The following ANO3 variants were observed in gnomAD, a reference collection of about 807,000 sequenced individuals.
The protein encoded by ANO3 is anoctamin 3, also known as anoctamin-3.
ANO3 carries 99 observed loss-of-function variants against 144.8 expected under a neutral mutation model. That is an observed-to-expected ratio of 0.68 (90% confidence interval 0.58 to 0.81). The LOEUF (loss-of-function observed/expected upper bound fraction) is 0.81. Ranked by LOEUF, ANO3 falls within the 30% of genes least tolerant of loss-of-function variation. The pLI, the probability that ANO3 is intolerant of heterozygous loss-of-function variation, is 0.00. For missense variants in ANO3, 905 were observed against 1,202.2 expected (o/e 0.75, Z 3.66); for synonymous variants, 414 against 392.6 (o/e 1.05, Z -0.64).
At chr11:26,576,735 C>G (rs1199513528) in intron 14 of ANO3, among the ~76,000 whole-genome samples, 2 of 152,172 alleles carry the variant, frequency 1.3e-5, no homozygotes, top group South Asian at 2.1e-4. Flanking sequence ...TAGTCCCATA[C>G]TAGAAAAGTC....
chr11:26,615,414 A>ATATATATTT (rs1352935016), intron 17 of ANO3, among the ~76,000 whole-genome samples: 18 of 130,688 alleles, frequency 1.4e-4, no homozygotes, highest in African/African-American at 4.8e-4. Flanking sequence ...ATATATATAT[A>ATATATATTT]TTTTTTTTTT....
chr11:26,236,743 G>C (rs1564928949), intron 1 of ANO3, among the ~76,000 whole-genome samples: 3 of 150,894 alleles, frequency 2.0e-5, no homozygotes. Context: ...GCGTGAACCT[G>C]GGAGGCAGAG....
chr11:26,293,540 T>TATATATATATATATATAC lies in ANO3; in HGVS notation c.155-16088_155-16087insCATATATATATATATATA. Reference sequence around the variant, plus strand: ...TGGGTCTATAAATTCCATGTATATATATATATATATATATATATATATATA... The same window carrying TATATATATATATATATAC: ...TGGGTCTATAAATTCCATGTATATATATATATATATATATATACATATATATATATATATATATATATA... On this transcript the variant is annotated intron_variant, in intron 1 of 27. Coordinates refer to the ANO3 transcript ENST00000672621. 3.8e-5 allele frequency among the ~76,000 whole-genome samples: 4 copies of TATATATATATATATATAC among 104,568 alleles called. No homozygotes were observed. In the South Asian group the frequency reaches 1.2e-3, roughly 32 times the overall value. The allele number at this position is 104,568 out of a possible 152,430, so 68.6% of individuals were successfully genotyped here. A position where few individuals can be genotyped will look rare whatever the true frequency, so the allele number is the denominator to read the frequency against.
intron 1 of ANO3, among the ~76,000 whole-genome samples, chr11:26,297,173 A>C (rs948529254): frequency 2.0e-4 from 29 of 147,094 alleles, no homozygotes; most frequent in African/African-American, 7.5e-4. Context: ...CCCAAGCTGC[A>C]TCAACCATTG....
chr11:26,244,559 C>A (rs537548843), intron 1 of ANO3, among the ~76,000 whole-genome samples: 1 of 152,250 alleles, frequency 6.6e-6, no homozygotes, highest in South Asian at 2.1e-4. Flanking sequence ...AACCTGAGAA[C>A]TATGCCAGAA....
At chr11:26,208,479 C>T (rs925353418) in intron 1 of ANO3, 1 of 150,402 alleles carries the variant, frequency 6.6e-6, no homozygotes, top group Non-Finnish European at 1.5e-5. Flanking sequence ...CACCACTGCA[C>T]TCCAGCCTGG....
At chr11:26,309,159 T>C (rs928842939), upstream of ANO3, among the ~76,000 whole-genome samples, 1 of 152,146 alleles carries the variant, frequency 6.6e-6, no homozygotes, top group African/African-American at 2.4e-5. Context: ...AGACTTTCCA[T>C]TGACTTGTTA....
chr11:26,366,194 T>C (rs1411775195), intron 1 of ANO3, among the ~76,000 whole-genome samples: 1 of 151,962 alleles, frequency 6.6e-6, no homozygotes, highest in Non-Finnish European at 1.5e-5. Context: ...CCCTCCTATG[T>C]CCAAGTGTTC....
At position 26,660,452 on chromosome 11, in the gene ANO3, C is replaced by CTG; in HGVS notation, c.*10_*11dup. The CTG allele has an allele frequency of 6.2e-7, 1 of 1,607,496 alleles. No individual in the cohort carries two copies. The highest frequency in any genetic ancestry group is 8.5e-7 in the Non-Finnish European group (1 of 1,177,262). On this transcript the variant is annotated 3_prime_UTR_variant, in exon 27 of 27. Transcript: ENST00000256737. ...CACCATGAATGGCCTTAGTTGACACCTGTTACCCATTAGGGGTGATAACAT... is the reference window on the plus strand; with the variant it reads ...CACCATGAATGGCCTTAGTTGACACCTGTGTTACCCATTAGGGGTGATAACAT...
At chr11:26,497,064 A>C (rs1421033633) in intron 4 of ANO3, among the ~76,000 whole-genome samples, 2 of 150,994 alleles carry the variant, frequency 1.3e-5, no homozygotes, top group African/African-American at 4.9e-5. Flanking sequence ...TTCTCTCTCT[A>C]TATATATACA....
chr11:26,451,116 G>T (rs111517911), intron 3 of ANO3, among the ~76,000 whole-genome samples: 13 of 152,290 alleles, frequency 8.5e-5, no homozygotes, highest in African/African-American at 3.1e-4. Context: ...CAAGATGGCC[G>T]AATAGGAACC....
intron 1 of ANO3, among the ~76,000 whole-genome samples, chr11:26,297,267 CT>C (rs1244701347): frequency 6.7e-6 from 1 of 149,144 alleles, no homozygotes; most frequent in African/African-American, 2.5e-5. Flanking sequence ...CCTTTTTTGT[CT>C]TGTTGATATT....
At chr11:26,525,825 G>T in intron 7 of ANO3, 146 bp downstream of exon 7, 1 of 595,262 alleles carries the variant, frequency 1.7e-6, no homozygotes, top group Non-Finnish European at 2.9e-6. Context: ...AATAACTTAT[G>T]CCAAATCGAA....
intron 14 of ANO3, among the ~76,000 whole-genome samples, chr11:26,587,279 A>G (rs1174901042): frequency 6.6e-6 from 1 of 152,192 alleles, no homozygotes; most frequent in Non-Finnish European, 1.5e-5. Flanking sequence ...GTGTGTCTAG[A>G]TGAACTAAGC....
intron 14 of ANO3, among the ~76,000 whole-genome samples, chr11:26,577,519 G>T (rs1433589836): frequency 6.7e-6 from 1 of 148,250 alleles, no homozygotes; most frequent in Non-Finnish European, 1.5e-5. Context: ...AGCTGAGATT[G>T]CGCCATTACA....
At chr11:26,614,085 G>C (rs889850712) in intron 17 of ANO3, among the ~76,000 whole-genome samples, 12 of 152,228 alleles carry the variant, frequency 7.9e-5, no homozygotes, top group Non-Finnish European at 5.9e-5. Flanking sequence ...CTGTCCTGGG[G>C]ATACTGCTGC....
intron 1 of ANO3, among the ~76,000 whole-genome samples, chr11:26,277,131 T>A (rs1198748997): frequency 1.3e-5 from 2 of 151,600 alleles, no homozygotes; most frequent in Non-Finnish European, 2.9e-5. Flanking sequence ...AAAGTAGATA[T>A]CTCTCTATTT....
At chr11:26,328,944 C>CT (rs896878080), upstream of ANO3, among the ~76,000 whole-genome samples, 30 of 151,132 alleles carry the variant, frequency 2.0e-4, 1 homozygote, top group Middle Eastern at 3.4e-3. Flanking sequence ...TATTTCTAGG[C>CT]TTTTTTTTTC....
At chr11:26,329,849 GT>G (rs1854992350), upstream of ANO3, among the ~76,000 whole-genome samples, 1 of 145,944 alleles carries the variant, frequency 6.9e-6, no homozygotes, top group East Asian at 2.0e-4. Context: ...GTCTCGCTCT[GT>G]TTCCCAGGCT....
Sources: allele counts gnomAD v4.1 joint callset (sites outside exome capture counted in the v4.1 genomes callset), GRCh38; gene constraint gnomAD v4.1.1; transcripts MANE v1.5; gene names NCBI Gene and HGNC (gene_info 2026-07-23, HGNC 2026-07-21).